The following MYRIP variants were observed in gnomAD, a reference collection of about 807,000 sequenced individuals.
MYRIP encodes the protein rab effector MyRIP.
Under a neutral mutation model 98.0 loss-of-function variants are expected in MYRIP, and 49 were observed. The observed-to-expected ratio is 0.50, with a 90% CI of 0.40 to 0.63. MYRIP has a LOEUF of 0.63. Among genes scored for constraint, MYRIP ranks in the 30% least tolerant of loss-of-function variants. The pLI, the probability that MYRIP is intolerant of heterozygous loss-of-function variation, is 0.00. For synonymous variants in MYRIP, 404 were observed against 409.5 expected, an observed-to-expected ratio of 0.99 and a Z score of 0.16; for missense variants, 1,004 against 1,058.2, an observed-to-expected ratio of 0.95 and a Z score of 0.71.
chr3:40,063,735 T>C (rs1316681987), intron 3 of MYRIP, among the ~76,000 whole-genome samples: 2 of 152,212 alleles, frequency 1.3e-5, no homozygotes, highest in South Asian at 4.1e-4. Context: ...GAAAAACAAC[T>C]GGTTCACTCT....
chr3:40,188,557 C>T (rs1458710705), intron 9 of MYRIP, among the ~76,000 whole-genome samples: 2 of 151,888 alleles, frequency 1.3e-5, no homozygotes, highest in African/African-American at 4.8e-5. Flanking sequence ...GCGGGTGGAT[C>T]ACCTGAGGTC....
intron 1 of MYRIP, among the ~76,000 whole-genome samples, chr3:39,895,203 T>C (rs562817305): frequency 6.6e-6 from 1 of 152,140 alleles, no homozygotes; most frequent in South Asian, 2.1e-4. Context: ...TCTTTTTTTT[T>C]TGAGGCGGAG....
intron 1 of MYRIP, among the ~76,000 whole-genome samples, chr3:39,873,314 T>G (rs2125632907): frequency 6.6e-6 from 1 of 152,308 alleles, no homozygotes; most frequent in South Asian, 2.1e-4. Context: ...TGGTAGTTTC[T>G]TTTGCTGTGC....
At chr3:40,060,823 T>C (rs4676464) in intron 3 of MYRIP, among the ~76,000 whole-genome samples, 84,028 of 151,832 alleles carry the variant, frequency 0.55, 23,458 homozygotes, top group East Asian at 0.78. Context: ...GAACTCCTGA[T>C]ATCAGGCGAT....
chr3:39,856,954 TAATCTCAGCACTTTGGGAGGCC>T (rs748807087), intron 1 of MYRIP, among the ~76,000 whole-genome samples: 43 of 152,186 alleles, frequency 2.8e-4, no homozygotes, highest in Non-Finnish European at 4.6e-4. Context: ...GGCTCATGCT[TAATCTCAGCACTTTGGGAGGCC>T]AATCTCAGCA....
chr3:40,052,741 T>C (rs1219670780), intron 3 of MYRIP, among the ~76,000 whole-genome samples: 3 of 152,190 alleles, frequency 2.0e-5, no homozygotes, highest in South Asian at 2.1e-4. Flanking sequence ...TTATTTGTAA[T>C]ATAAAGAATA....
rs76243259 is a variant in MYRIP at position 40,073,436 on chromosome 3, T to C, written c.332+29165T>C. Reference sequence around the variant, plus strand: ...GACTTTGCTTATCTGGTTTCCCAATTCTGTCTTAAGTCTCCACCTTTGTCC... The same window carrying C: ...GACTTTGCTTATCTGGTTTCCCAATCCTGTCTTAAGTCTCCACCTTTGTCC... On this transcript the variant is annotated intron_variant, in intron 3 of 16. Coordinates refer to ENST00000302541, the MANE Select transcript of MYRIP (RefSeq NM_015460.4). 6.1e-3 allele frequency among the ~76,000 whole-genome samples: 928 copies of C among 152,312 alleles called. 10 individuals are homozygous for C. Among genetic ancestry groups the C allele is most frequent in the African/African-American group, 0.021 (873 of 41,564 alleles).
chr3:40,124,621 G>A (rs1383844882), intron 3 of MYRIP, among the ~76,000 whole-genome samples: 1 of 152,206 alleles, frequency 6.6e-6, no homozygotes, highest in Non-Finnish European at 1.5e-5. Context: ...GCTTCTCCTG[G>A]AGAGAAAGGC....
At chr3:40,114,474 C>T (rs963466090) in intron 3 of MYRIP, among the ~76,000 whole-genome samples, 3 of 152,144 alleles carry the variant, frequency 2.0e-5, no homozygotes, top group African/African-American at 7.2e-5. Flanking sequence ...CCATAGCTAA[C>T]ATCAAAAGAC....
intron 3 of MYRIP, among the ~76,000 whole-genome samples, chr3:40,062,319 G>A (rs1157247808): frequency 1.3e-5 from 2 of 152,106 alleles, no homozygotes; most frequent in African/African-American, 4.8e-5. Flanking sequence ...CACATGGCTA[G>A]CCAGTTATCC....
chr3:39,839,667 T>C (rs1340062458), intron 1 of MYRIP, among the ~76,000 whole-genome samples: 1 of 152,162 alleles, frequency 6.6e-6, no homozygotes, highest in African/African-American at 2.4e-5. Context: ...TGTCCCAGAG[T>C]TTCCGGTACA....
At chr3:40,057,077 G>A (rs780195060) in intron 3 of MYRIP, among the ~76,000 whole-genome samples, 1 of 152,102 alleles carries the variant, frequency 6.6e-6, no homozygotes, top group Non-Finnish European at 1.5e-5. Flanking sequence ...CCCTAAAGAA[G>A]AGCCCTTTAG....
At chr3:40,069,423 T>C (rs191504605) in intron 3 of MYRIP, among the ~76,000 whole-genome samples, 1 of 151,798 alleles carries the variant, frequency 6.6e-6, no homozygotes, top group African/African-American at 2.4e-5. Context: ...TTTTAAAGTG[T>C]GATATAATAT....
At chr3:39,874,565 T>C (rs1290232032) in intron 1 of MYRIP, among the ~76,000 whole-genome samples, 12 of 152,224 alleles carry the variant, frequency 7.9e-5, no homozygotes, top group Admixed American at 7.9e-4. Flanking sequence ...TGTTGAATTG[T>C]GTCAAAGGCC....
At chr3:40,215,451 T>C (rs1233810713) in intron 11 of MYRIP, among the ~76,000 whole-genome samples, 2 of 152,180 alleles carry the variant, frequency 1.3e-5, no homozygotes, top group Non-Finnish European at 2.9e-5. Flanking sequence ...AAGAGAATAA[T>C]TTGTGCATCT....
chr3:40,084,669 A>G (rs148226394), intron 3 of MYRIP, among the ~76,000 whole-genome samples: 18 of 148,228 alleles, frequency 1.2e-4, no homozygotes, highest in Admixed American at 2.7e-4. Flanking sequence ...TGTATTACAT[A>G]TCGATAGATA....
intron 9 of MYRIP, among the ~76,000 whole-genome samples, chr3:40,186,962 A>G (rs1197420846): frequency 3.9e-5 from 6 of 152,238 alleles, no homozygotes; most frequent in African/African-American, 1.4e-4. Flanking sequence ...ATAAATGGTA[A>G]TAATAATGCT....
intron 2 of MYRIP, among the ~76,000 whole-genome samples, chr3:40,007,334 A>T (rs1423757106): frequency 9.3e-6 from 1 of 107,214 alleles, no homozygotes; most frequent in Non-Finnish European, 2.1e-5. Flanking sequence ...CATTAGTTTA[A>T]ATATATGTTA....
chr3:40,003,147 A>G (rs966140190), intron 2 of MYRIP, among the ~76,000 whole-genome samples: 1 of 151,934 alleles, frequency 6.6e-6, no homozygotes, highest in Non-Finnish European at 1.5e-5. Context: ...ATATATCTAG[A>G]CATCTATAGA....
Sources: gnomAD v4.1 joint callset for allele counts (sites outside exome capture counted in the v4.1 genomes callset) on GRCh38, gnomAD v4.1.1 for gene constraint, MANE v1.5 for transcripts, NCBI Gene and HGNC (gene_info 2026-07-23, HGNC 2026-07-21) for gene names.